The following SH3RF3 variants were observed in gnomAD, a reference collection of about 807,000 sequenced individuals.
SH3RF3 encodes E3 ubiquitin-protein ligase SH3RF3.
Under a neutral mutation model 66.3 loss-of-function variants are expected in SH3RF3, and 29 were observed. That is an observed-to-expected ratio of 0.44 (90% confidence interval 0.33 to 0.60). The LOEUF is 0.60. Among genes scored for constraint, SH3RF3 ranks in the 20% least tolerant of loss-of-function variants. SH3RF3 has a pLI of 0.04. For missense variants in SH3RF3, 1,194 were observed against 1,190.9 expected (o/e 1.00, Z -0.04); for synonymous variants, 583 against 532.0 (o/e 1.10, Z -1.32).
intron 1 of SH3RF3, among the ~76,000 whole-genome samples, chr2:109,159,583 G>A (rs1677436645): frequency 6.6e-6 from 1 of 152,188 alleles, no homozygotes; most frequent in Non-Finnish European, 1.5e-5. Context: ...TATGACAGGG[G>A]TACCCAATCC....
intron 1 of SH3RF3, among the ~76,000 whole-genome samples, chr2:109,290,848 T>G (rs1003714464): frequency 6.6e-6 from 1 of 152,272 alleles, no homozygotes; most frequent in Admixed American, 6.5e-5. Flanking sequence ...CATCCCTGAT[T>G]TAAGGCTTAA....
chr2:109,447,868 C>T (rs1405380778), intron 7 of SH3RF3, among the ~76,000 whole-genome samples: 2 of 152,174 alleles, frequency 1.3e-5, no homozygotes. Context: ...TTGCTGGCAG[C>T]AAGGTGGTGG....
chr2:109,155,602 G>T (rs945063672), intron 1 of SH3RF3, among the ~76,000 whole-genome samples: 1 of 152,122 alleles, frequency 6.6e-6, no homozygotes, highest in African/African-American at 2.4e-5. Flanking sequence ...TGCCTGGCCG[G>T]ATCTTTGTTT....
Position 109,288,464 on chromosome 2 carries a change from C to G in SH3RF3, c.574-59210C>G, listed in dbSNP as rs200904610. Among the ~76,000 whole-genome samples, 42 of 152,246 alleles carry G rather than the reference C, an allele frequency of 2.8e-4. No homozygotes were observed. The East Asian group carries it at 6.6e-3, about 24-fold the overall frequency. On this transcript the variant is annotated intron_variant, in intron 1 of 9. Coordinates refer to ENST00000309415, the MANE Select transcript of SH3RF3 (RefSeq NM_001099289.3). The stretch of plus-strand genomic sequence containing the variant: ...GATAAAGCCAGAAAGTATGAGAGCC[C>G]ACAGAGATGTCATTAAGGAAATTAT...
In SH3RF3 at chr2:109,456,478, C is replaced by T. The variant is rs1479556235; in HGVS notation, c.2148+6989C>T. 5.3e-5 allele frequency among the ~76,000 whole-genome samples: 8 copies of T among 152,220 alleles called. No homozygotes were observed. The South Asian group carries it at 8.3e-4, about 16-fold the overall frequency. ...CTTCACTGGTGACAGGAGTGGCAAC[C>T]TTTCTCTAAGTTAGGAATGTCCCGT... On this transcript the variant is annotated intron_variant, in intron 8 of 9. Coordinates refer to ENST00000309415, the MANE Select transcript of SH3RF3 (RefSeq NM_001099289.3).
At chr2:109,491,101 G>A (rs1374674570) in intron 9 of SH3RF3, among the ~76,000 whole-genome samples, 165 bp downstream of exon 9, 2 of 152,230 alleles carry the variant, frequency 1.3e-5, no homozygotes, top group East Asian at 3.9e-4. Context: ...GGTGAGTGCT[G>A]GATGAAACGA....
chr2:109,452,890 A>G lies in SH3RF3; in HGVS notation c.2148+3401A>G, dbSNP rs376771953. On this transcript the variant is annotated intron_variant, in intron 8 of 9. Coordinates refer to ENST00000309415, the MANE Select transcript of SH3RF3 (RefSeq NM_001099289.3). ...AGGCTGGTGCCAGGAGGCTGGTCCC[A>G]GGAGGCTGGTCCCGGGAGGCTGGTG... is the stretch of plus-strand genomic sequence containing the variant. Among the ~76,000 whole-genome samples, 214 of 94,726 alleles carry G rather than the reference A, an allele frequency of 2.3e-3. 1 individual carries two copies. Among genetic ancestry groups the G allele is most frequent in the African/African-American group, 8.1e-3 (184 of 22,592 alleles). 62.1% of individuals were successfully genotyped at this position (94,726 alleles called of 152,430 possible). A position where few individuals can be genotyped will look rare whatever the true frequency, so the allele number is the denominator to read the frequency against.
At chr2:109,385,757 A>G (rs1424534677) in intron 3 of SH3RF3, among the ~76,000 whole-genome samples, 1 of 152,212 alleles carries the variant, frequency 6.6e-6, no homozygotes, top group African/African-American at 2.4e-5. Context: ...GGACTGTGTT[A>G]TGGCTGCAGA....
At chr2:109,379,539 A>G (rs967516599) in intron 3 of SH3RF3, among the ~76,000 whole-genome samples, 1 of 152,254 alleles carries the variant, frequency 6.6e-6, no homozygotes, top group African/African-American at 2.4e-5. Context: ...GGGATGTGAA[A>G]GTATGAAGGA....
intron 2 of SH3RF3, among the ~76,000 whole-genome samples, chr2:109,370,547 C>A (rs1310926543): frequency 6.6e-6 from 1 of 152,148 alleles, no homozygotes; most frequent in South Asian, 2.1e-4. Context: ...CCATCTGTCT[C>A]TCTTGACACT....
chr2:109,316,969 A>G (rs60988143), intron 1 of SH3RF3, among the ~76,000 whole-genome samples: 2 of 151,700 alleles, frequency 1.3e-5, no homozygotes, highest in African/African-American at 4.8e-5. Context: ...ATGTCTTTTC[A>G]TGGCTTCATA....
At chr2:109,333,012 C>T (rs1165218995) in intron 1 of SH3RF3, among the ~76,000 whole-genome samples, 1 of 152,232 alleles carries the variant, frequency 6.6e-6, no homozygotes, top group Non-Finnish European at 1.5e-5. Context: ...GTCATGTATT[C>T]GTCTTCGGCA....
chr2:109,168,415 TGCTA>T (rs1677680217), intron 1 of SH3RF3, among the ~76,000 whole-genome samples: 2 of 152,218 alleles, frequency 1.3e-5, no homozygotes, highest in African/African-American at 4.8e-5. Context: ...GCCTTGCTAA[TGCTA>T]GCTAGATTCC....
intron 4 of SH3RF3, among the ~76,000 whole-genome samples, chr2:109,400,257 G>A (rs1335318537): frequency 1.3e-5 from 2 of 151,076 alleles, no homozygotes; most frequent in Non-Finnish European, 1.5e-5. Context: ...GGACACTTGA[G>A]CACATGCCCG....
intron 1 of SH3RF3, among the ~76,000 whole-genome samples, chr2:109,271,597 A>T (rs1339545945): frequency 2.0e-5 from 3 of 152,220 alleles, no homozygotes; most frequent in African/African-American, 7.2e-5. Flanking sequence ...GACCTTCTGG[A>T]GTGGGGACCA....
chr2:109,159,806 A>G (rs1176802847), intron 1 of SH3RF3, among the ~76,000 whole-genome samples: 1 of 152,040 alleles, frequency 6.6e-6, no homozygotes, highest in African/African-American at 2.4e-5. Context: ...TAGGTTTCAC[A>G]CTCCTTATGA....
Position 109,129,779 on chromosome 2 carries a change from G to A in SH3RF3, c.239G>A (p.Arg80His). Residue 80 changes from arginine (R) to histidine (H), a missense_variant, in exon 1 of 10, where the codon CGC (arginine) becomes CAC (histidine). Transcript: ENST00000309415. Reference protein sequence around the residue: ...VLPCQHTFCRRCLESIVCSRH... With the variant: ...VLPCQHTFCRHCLESIVCSRH... The stretch of plus-strand genomic sequence containing the variant: ...CCATGCCAACACACTTTCTGCCGCC[G>A]CTGCCTGGAGAGCATCGTGTGCTCG... 1 of 1,538,662 alleles carries A rather than the reference G, an allele frequency of 6.5e-7. No individual in the cohort carries two copies. Among genetic ancestry groups the A allele is most frequent in the Middle Eastern group, 1.8e-4 (1 of 5,676 alleles).
chr2:109,339,456 C>G (rs964104992), intron 1 of SH3RF3, among the ~76,000 whole-genome samples: 1 of 152,132 alleles, frequency 6.6e-6, no homozygotes, highest in Non-Finnish European at 1.5e-5. Flanking sequence ...ATCCAGGTCC[C>G]CAGTGCAAGG....
chr2:109,187,307 T>C (rs536181494), intron 1 of SH3RF3, among the ~76,000 whole-genome samples: 1 of 152,352 alleles, frequency 6.6e-6, no homozygotes, highest in African/African-American at 2.4e-5. Flanking sequence ...GTCTTTTCTG[T>C]TTAGTCTGAA....
Sources: allele counts gnomAD v4.1 joint callset (sites outside exome capture counted in the v4.1 genomes callset), GRCh38; gene constraint gnomAD v4.1.1; transcripts MANE v1.5; gene names NCBI Gene and HGNC (gene_info 2026-07-23, HGNC 2026-07-21).